PHACTR1: variants seen among roughly 807,000 people sequenced by gnomAD.
The protein encoded by PHACTR1 is phosphatase and actin regulator 1.
Under a neutral mutation model 69.2 loss-of-function variants are expected in PHACTR1, and 16 were observed. The ratio of observed to expected loss-of-function variants is 0.23; its 90% CI spans 0.16 to 0.35. PHACTR1 has a LOEUF of 0.35. Among genes scored for constraint, PHACTR1 ranks in the 10% least tolerant of loss-of-function variants. The pLI is 1.00. For missense variants in PHACTR1, 510 were observed against 734.7 expected (o/e 0.69, Z 3.54); for synonymous variants, 312 against 284.5 (o/e 1.10, Z -0.97).
intron 4 of PHACTR1, among the ~76,000 whole-genome samples, chr6:12,924,091 T>TG (rs1206024111): frequency 6.6e-6 from 1 of 152,202 alleles, no homozygotes; most frequent in Non-Finnish European, 1.5e-5. Context: ...GCTGTTGTAT[T>TG]GGGGTAAGTT....
At chr6:13,005,682 G>A (rs2127634031) in intron 4 of PHACTR1, among the ~76,000 whole-genome samples, 1 of 152,232 alleles carries the variant, frequency 6.6e-6, no homozygotes, top group East Asian at 1.9e-4. Context: ...TAGAAGTAGA[G>A]GTGTTCCTTT....
intron 5 of PHACTR1, among the ~76,000 whole-genome samples, chr6:13,151,902 T>C (rs1377324307): frequency 6.9e-6 from 1 of 144,496 alleles, no homozygotes; most frequent in Non-Finnish European, 1.5e-5. Context: ...AATATTTTCA[T>C]GTATTATTTT....
At chr6:12,752,872 TA>T (rs1766797814) in intron 4 of PHACTR1, among the ~76,000 whole-genome samples, 1 of 152,260 alleles carries the variant, frequency 6.6e-6, no homozygotes, top group Non-Finnish European at 1.5e-5. Flanking sequence ...AAGTTTCAGC[TA>T]AAATTGAGAG....
In PHACTR1 at chr6:13,246,999, A is replaced by C. The variant is rs558773698; in HGVS notation, c.1391+16806A>C. Among the ~76,000 whole-genome samples the C allele has an allele frequency of 2.6e-5, 4 of 152,364 alleles. No individual in the cohort carries two copies. The East Asian group carries it at 7.7e-4, about 29-fold the overall frequency. On this transcript the variant is annotated intron_variant, in intron 10 of 14. Transcript: ENST00000332995. The surrounding 1 kb of genome is among the most constrained non-coding windows in gnomAD (Gnocchi z 4.2). Reference sequence around the variant, plus strand: ...AGAATGTAAACAGGGAAAAGCATCCAAAGATACAACCCTGGAAAATCACTT... The same window carrying C: ...AGAATGTAAACAGGGAAAAGCATCCCAAGATACAACCCTGGAAAATCACTT...
chr6:13,273,050 G>A, intron 11 of PHACTR1, 135 bp downstream of exon 11: 1 of 1,311,774 alleles, frequency 7.6e-7, no homozygotes, highest in Admixed American at 2.2e-5. Context: ...GAAGCTTCAT[G>A]TGTGCATGTT....
In PHACTR1 at chr6:12,960,899, T is replaced by TACAAATC. The variant is rs541264656; in HGVS notation, c.251-92466_251-92465insACAAATC. On this transcript the variant is annotated intron_variant, in intron 4 of 14. Transcript: ENST00000332995. ...CTGTGTTTGTATTTTCTTTTTGCAG[T>TACAAATC]CTCCTAACATGGGGATTTAATGCCT... is the stretch of plus-strand genomic sequence containing the variant. Among the ~76,000 whole-genome samples the TACAAATC allele has an allele frequency of 1.1e-4, 17 of 152,296 alleles. No homozygotes were observed. The South Asian group carries it at 3.3e-3, about 30-fold the overall frequency.
chr6:13,119,318 C>T (rs1459059194), intron 5 of PHACTR1, among the ~76,000 whole-genome samples: 1 of 152,186 alleles, frequency 6.6e-6, no homozygotes, highest in Admixed American at 6.5e-5. Flanking sequence ...CATTTGGCTT[C>T]AGAATTGACT....
intron 1 of PHACTR1, 124 bp downstream of exon 1, chr6:12,717,020 T>C (rs1339588038): frequency 1.3e-5 from 2 of 152,298 alleles, no homozygotes; most frequent in South Asian, 2.1e-4. Flanking sequence ...ATAATATGTC[T>C]TTCAGAATCT....
chr6:13,168,785 G>A (rs1198422226), intron 6 of PHACTR1, among the ~76,000 whole-genome samples: 1 of 152,194 alleles, frequency 6.6e-6, no homozygotes, highest in East Asian at 1.9e-4. Flanking sequence ...TGGAGGCACG[G>A]AGTCAGGAAT....
chr6:12,874,490 G>C (rs954911828), intron 4 of PHACTR1, among the ~76,000 whole-genome samples: 4 of 152,196 alleles, frequency 2.6e-5, no homozygotes, highest in Admixed American at 2.0e-4. Flanking sequence ...CTCAAAACAA[G>C]GGTTATACCG....
At chr6:12,927,349 T>C (rs1788381554) in intron 4 of PHACTR1, among the ~76,000 whole-genome samples, 1 of 152,252 alleles carries the variant, frequency 6.6e-6, no homozygotes, top group Non-Finnish European at 1.5e-5. Context: ...ATATCTTCAA[T>C]GTCTAGCACA....
chr6:13,070,314 A>G (rs1356954235), intron 5 of PHACTR1, among the ~76,000 whole-genome samples: 1 of 152,172 alleles, frequency 6.6e-6, no homozygotes, highest in East Asian at 1.9e-4. Context: ...TAATTATGTT[A>G]TTAATATACA....
intron 4 of PHACTR1, among the ~76,000 whole-genome samples, chr6:12,918,722 C>T (rs773482517): frequency 5.3e-5 from 8 of 152,270 alleles, no homozygotes; most frequent in East Asian, 3.9e-4. Flanking sequence ...AAAACCATTG[C>T]GACACATTAT....
chr6:12,941,559 C>T (rs1562034342), intron 4 of PHACTR1, among the ~76,000 whole-genome samples: 1 of 152,106 alleles, frequency 6.6e-6, no homozygotes, highest in Non-Finnish European at 1.5e-5. Context: ...GATGTCACTA[C>T]CTCTCACTCG....
At chr6:12,740,479 T>G (rs1269777635) in intron 3 of PHACTR1, among the ~76,000 whole-genome samples, 2 of 152,182 alleles carry the variant, frequency 1.3e-5, no homozygotes, top group Non-Finnish European at 2.9e-5. Context: ...AATCTACCTC[T>G]AAGTAATGTC....
At chr6:12,764,023 A>T (rs1262652564) in intron 4 of PHACTR1, among the ~76,000 whole-genome samples, 1 of 152,210 alleles carries the variant, frequency 6.6e-6, no homozygotes, top group African/African-American at 2.4e-5. Context: ...ATTCATACCA[A>T]ATTTGTTGTT....
At chr6:12,838,556 G>A (rs1281558388) in intron 4 of PHACTR1, among the ~76,000 whole-genome samples, 1 of 152,178 alleles carries the variant, frequency 6.6e-6, no homozygotes, top group Non-Finnish European at 1.5e-5. Flanking sequence ...AACAAGTTAA[G>A]TTGTCTTTGG....
intron 4 of PHACTR1, among the ~76,000 whole-genome samples, chr6:12,861,868 A>G (rs1283390997): frequency 6.6e-6 from 1 of 152,228 alleles, no homozygotes; most frequent in Non-Finnish European, 1.5e-5. Flanking sequence ...AAATAAATAC[A>G]TATATACACA....
chr6:12,896,614 C>T (rs552012995), intron 4 of PHACTR1, among the ~76,000 whole-genome samples: 4 of 152,252 alleles, frequency 2.6e-5, no homozygotes, highest in South Asian at 2.1e-4. Flanking sequence ...GATCCCTGTT[C>T]CCCGGGAGAT....
Sources: allele counts gnomAD v4.1 joint callset (sites outside exome capture counted in the v4.1 genomes callset), GRCh38; gene constraint gnomAD v4.1.1; non-coding constraint Gnocchi (gnomAD v3.1); transcripts MANE v1.5; gene names NCBI Gene and HGNC (gene_info 2026-07-23, HGNC 2026-07-21).